Variants in APBB2 observed in about 807,000 individuals in gnomAD.
APBB2 encodes Fe65-like 1.
Under a neutral mutation model 82.5 loss-of-function variants are expected in APBB2, and 38 were observed. That is an observed-to-expected ratio of 0.46 (90% CI 0.36 to 0.60). APBB2 has a LOEUF of 0.60. APBB2 is among the 20% of genes least tolerant of loss of function. The pLI is 0.00. For missense variants in APBB2, 772 were observed against 972.3 expected, an observed-to-expected ratio of 0.79 and a Z score of 2.74; for synonymous variants, 341 against 368.2, an observed-to-expected ratio of 0.93 and a Z score of 0.85.
At chr4:40,964,556 T>C (rs1446763187) in intron 6 of APBB2, among the ~76,000 whole-genome samples, 2 of 152,088 alleles carry the variant, frequency 1.3e-5, no homozygotes, top group African/African-American at 2.4e-5. Flanking sequence ...ATTAGAGGAA[T>C]GTGCGGGGTG....
intron 4 of APBB2, among the ~76,000 whole-genome samples, chr4:41,061,237 A>T (rs1729720516): frequency 6.6e-6 from 1 of 152,226 alleles, no homozygotes; most frequent in South Asian, 2.1e-4. Flanking sequence ...ACAAATATGC[A>T]ATTTTTATTA....
intron 8 of APBB2, 121 bp downstream of exon 8, chr4:40,934,956 A>C (rs1171821462): frequency 3.4e-6 from 3 of 875,376 alleles, no homozygotes; most frequent in Non-Finnish European, 5.2e-6. Flanking sequence ...GCCCCTAGCA[A>C]GAAGCCCGAT....
intron 4 of APBB2, among the ~76,000 whole-genome samples, chr4:41,041,081 C>T (rs951132352): frequency 7.9e-5 from 12 of 152,042 alleles, no homozygotes; most frequent in African/African-American, 1.9e-4. Context: ...AGGGTTTCAC[C>T]GTGTTAGCCA....
chr4:40,965,695 TA>T (rs1794511152), intron 6 of APBB2, among the ~76,000 whole-genome samples: 2 of 152,334 alleles, frequency 1.3e-5, no homozygotes, highest in Middle Eastern at 3.4e-3. Flanking sequence ...ATTAAATATT[TA>T]ACATTAGGGA....
chr4:41,025,965 AAAAAAAG>A (rs1385558290), intron 5 of APBB2, among the ~76,000 whole-genome samples: 15 of 148,044 alleles, frequency 1.0e-4, no homozygotes, highest in African/African-American at 3.8e-4. Flanking sequence ...AAAAAAAAAG[AAAAAAAG>A]GAAAATGTGG....
intron 10 of APBB2, among the ~76,000 whole-genome samples, chr4:40,928,746 G>A (rs1411268980): frequency 1.3e-5 from 2 of 151,272 alleles, no homozygotes; most frequent in East Asian, 3.9e-4. Flanking sequence ...TTAGCTGGGT[G>A]TGGTGGTGTA....
At chr4:40,981,738 G>C (rs1798527218) in intron 6 of APBB2, among the ~76,000 whole-genome samples, 1 of 152,166 alleles carries the variant, frequency 6.6e-6, no homozygotes, top group Non-Finnish European at 1.5e-5. Flanking sequence ...CACTGCAGCA[G>C]TTACATTCTT....
rs555883907 is a variant in APBB2 at position 40,902,966 on chromosome 4, C to A, written c.1255-9555G>T. On this transcript the variant is annotated intron_variant, in intron 10 of 17. Coordinates refer to ENST00000508593, the MANE Select transcript of APBB2 (RefSeq NM_004307.2). ...GACAAGCCTGGGTAACAAAGTGAGACATGGTCTGTAAAAAAAATTTTTTTT... is the reference window on the plus strand; with the variant it reads ...GACAAGCCTGGGTAACAAAGTGAGAAATGGTCTGTAAAAAAAATTTTTTTT... Among the ~76,000 whole-genome samples, 206 of 152,184 alleles carry A rather than the reference C, an allele frequency of 1.4e-3. 1 individual carries two copies. Among genetic ancestry groups the A allele is most frequent in the African/African-American group, 4.2e-3 (175 of 41,516 alleles).
intron 6 of APBB2, among the ~76,000 whole-genome samples, chr4:40,957,239 CA>C (rs1361192663): frequency 1.3e-5 from 2 of 152,174 alleles, no homozygotes; most frequent in Non-Finnish European, 2.9e-5. Flanking sequence ...TAATTCAAAA[CA>C]TTTTTTTAAA....
In APBB2 at chr4:40,944,779, C is replaced by T. The variant is rs575893925; in HGVS notation, c.1044+86G>A. 100 of 1,323,146 alleles carry T rather than the reference C, an allele frequency of 7.6e-5. No homozygotes were observed. In the South Asian group the frequency reaches 1.1e-3, roughly 14 times the overall value. The allele number at this position is 1,323,146 out of a possible 1,614,324, so 82.0% of individuals were successfully genotyped here. The stretch of plus-strand genomic sequence containing the variant: ...ATAATCAAAAAGCTTACCTTGATGA[C>T]CTGTTGGGGCAGAAGCAACCAGTGT... On this transcript the variant is annotated intron_variant, in intron 7 of 17. Transcript: ENST00000508593.
intron 1 of APBB2, among the ~76,000 whole-genome samples, chr4:41,186,310 A>G (rs1245132466): frequency 6.6e-6 from 1 of 152,220 alleles, no homozygotes; most frequent in Non-Finnish European, 1.5e-5. Flanking sequence ...TGCCAGCTCA[A>G]AAAGCTAGGT....
intron 2 of APBB2, among the ~76,000 whole-genome samples, chr4:41,131,419 T>G (rs1755932986): frequency 1.3e-5 from 2 of 152,214 alleles, no homozygotes; most frequent in African/African-American, 2.4e-5. Flanking sequence ...TGGTGGTGTT[T>G]TAGACTTTTC....
chr4:41,029,564 G>T (rs929892653), intron 5 of APBB2, among the ~76,000 whole-genome samples: 1 of 152,152 alleles, frequency 6.6e-6, no homozygotes, highest in Admixed American at 6.5e-5. Context: ...GTTTGAAGTG[G>T]AACTGAGATT....
intron 5 of APBB2, among the ~76,000 whole-genome samples, chr4:41,019,517 T>C (rs1010807033): frequency 2.0e-5 from 3 of 151,944 alleles, no homozygotes; most frequent in Admixed American, 2.0e-4. Flanking sequence ...GAGGAAACAG[T>C]CTAGGGGTAT....
At chr4:41,082,890 C>T (rs1425283591) in intron 3 of APBB2, among the ~76,000 whole-genome samples, 2 of 152,048 alleles carry the variant, frequency 1.3e-5, no homozygotes, top group African/African-American at 4.8e-5. Flanking sequence ...AGGCTGTGCA[C>T]GGTGGCTCAC....
chr4:41,026,586 A>G (rs867704645), intron 5 of APBB2, among the ~76,000 whole-genome samples: 1 of 152,198 alleles, frequency 6.6e-6, no homozygotes, highest in Non-Finnish European at 1.5e-5. Context: ...AGAATCATAT[A>G]ATGAGATCTT....
intron 3 of APBB2, among the ~76,000 whole-genome samples, chr4:41,081,893 T>C (rs1242236620): frequency 6.6e-6 from 1 of 152,162 alleles, no homozygotes; most frequent in Non-Finnish European, 1.5e-5. Context: ...GTCATTCGTT[T>C]AAAAAACTAC....
intron 1 of APBB2, among the ~76,000 whole-genome samples, chr4:41,162,221 T>C (rs1765359211): frequency 6.6e-6 from 1 of 151,316 alleles, no homozygotes; most frequent in African/African-American, 2.4e-5. Flanking sequence ...TTTTTTACAA[T>C]TTGTCGAATC....
intron 12 of APBB2, among the ~76,000 whole-genome samples, chr4:40,842,833 G>A (rs966775350): frequency 6.6e-6 from 1 of 152,066 alleles, no homozygotes; most frequent in Admixed American, 6.6e-5. Flanking sequence ...TGGAATCCAG[G>A]CACTTTTCCT....
Sources: allele counts gnomAD v4.1 joint callset (sites outside exome capture counted in the v4.1 genomes callset), GRCh38; gene constraint gnomAD v4.1.1; transcripts MANE v1.5; gene names NCBI Gene and HGNC (gene_info 2026-07-23, HGNC 2026-07-21).